ZCWPW2: variants seen among roughly 807,000 people sequenced by gnomAD.
The protein encoded by ZCWPW2 is zinc finger CW-type and PWWP domain containing 2, also known as zinc finger CW-type PWWP domain protein 2.
In ZCWPW2, 45 loss-of-function variants were observed where a neutral mutation model predicts 46.6. The ratio of observed to expected loss-of-function variants is 0.96; its 90% CI spans 0.76 to 1.24. ZCWPW2 has a LOEUF of 1.24. ZCWPW2 is among the 50% of genes most tolerant of loss of function. The pLI, the probability that ZCWPW2 is intolerant of heterozygous loss-of-function variation, is 0.00. For synonymous variants in ZCWPW2, 152 were observed against 137.1 expected (o/e 1.11, Z -0.76); for missense variants, 429 against 403.9 (o/e 1.06, Z -0.53).
At chr3:28,489,849 C>G (rs906080918) in intron 5 of ZCWPW2, among the ~76,000 whole-genome samples, 2 of 151,846 alleles carry the variant, frequency 1.3e-5, no homozygotes, top group Non-Finnish European at 2.9e-5. Context: ...ACTCCTGGAC[C>G]TAATTAAATG....
At chr3:28,484,774 C>T (rs1699540304) in intron 5 of ZCWPW2, among the ~76,000 whole-genome samples, 1 of 149,352 alleles carries the variant, frequency 6.7e-6, no homozygotes, top group Non-Finnish European at 1.5e-5. Flanking sequence ...TCCTGTCTTC[C>T]TTCTGTCCTG....
At chr3:28,504,974 C>T (rs899535533) in intron 6 of ZCWPW2, among the ~76,000 whole-genome samples, 15 of 152,108 alleles carry the variant, frequency 9.9e-5, no homozygotes, top group African/African-American at 3.1e-4. Context: ...AGTCAAAGAC[C>T]GCTAAAAAAT....
At chr3:28,497,072 A>G (rs1478065707) in intron 6 of ZCWPW2, among the ~76,000 whole-genome samples, 1 of 150,016 alleles carries the variant, frequency 6.7e-6, no homozygotes, top group Non-Finnish European at 1.5e-5. Context: ...ATAATACATA[A>G]GTATTTATAG....
chr3:28,359,797 G>A (rs1175151306), intron 1 of ZCWPW2, among the ~76,000 whole-genome samples: 1 of 152,054 alleles, frequency 6.6e-6, no homozygotes, highest in Admixed American at 6.6e-5. Context: ...TAAAGATAGT[G>A]TCTTTTTTTC....
rs541140518 is a variant in ZCWPW2 at position 28,416,832 on chromosome 3, A to G, written c.332+3432A>G. Reference sequence around the variant, plus strand: ...CTGGAGTACGTTTATTGATTTTCGTATGTTGAACCAGCCTTGCATCCCAGG... The same window carrying G: ...CTGGAGTACGTTTATTGATTTTCGTGTGTTGAACCAGCCTTGCATCCCAGG... On this transcript the variant is annotated intron_variant, in intron 3 of 9. Coordinates refer to ENST00000383768, the MANE Select transcript of ZCWPW2 (RefSeq NM_001040432.4). 9.3e-5 allele frequency among the ~76,000 whole-genome samples: 11 copies of G among 117,824 alleles called. No homozygotes were observed. The East Asian group carries it at 2.6e-3, about 28-fold the overall frequency. 77.3% of individuals were successfully genotyped at this position (117,824 alleles called of 152,430 possible). A position where few individuals can be genotyped will look rare whatever the true frequency, so the allele number is the denominator to read the frequency against.
In ZCWPW2 at chr3:28,480,136, G is replaced by T. The variant is rs572284331; in HGVS notation, c.610+1205G>T. 3.9e-5 allele frequency among the ~76,000 whole-genome samples: 6 copies of T among 152,110 alleles called. No homozygotes were observed. The East Asian group carries it at 1.2e-3, about 29-fold the overall frequency. On this transcript the variant is annotated intron_variant, in intron 5 of 9. Coordinates refer to ENST00000383768, the MANE Select transcript of ZCWPW2 (RefSeq NM_001040432.4). Reference sequence around the variant, plus strand: ...TATTTCTGCCCCTAGGTCTTTGAGCGATCACCACACTGTCTTACACAATGG... The same window carrying T: ...TATTTCTGCCCCTAGGTCTTTGAGCTATCACCACACTGTCTTACACAATGG...
chr3:28,421,913 C>T (rs1185858029), intron 3 of ZCWPW2, among the ~76,000 whole-genome samples: 1 of 145,076 alleles, frequency 6.9e-6, no homozygotes, highest in African/African-American at 2.6e-5. Context: ...GTTCCAGAGC[C>T]CTTATTTTAT....
intron 9 of ZCWPW2, among the ~76,000 whole-genome samples, chr3:28,523,913 A>T (rs1047472365): frequency 6.6e-6 from 1 of 152,120 alleles, no homozygotes; most frequent in Non-Finnish European, 1.5e-5. Flanking sequence ...TAATCCATAC[A>T]CAAATAAAAC....
chr3:28,453,827 ATTTATT>A (rs1341559276), intron 4 of ZCWPW2, among the ~76,000 whole-genome samples: 9 of 143,480 alleles, frequency 6.3e-5, no homozygotes, highest in African/African-American at 2.5e-4. Flanking sequence ...TTATTTATTT[ATTTATT>A]TTTATTTTTT....
At chr3:28,364,130 A>T (rs546791307) in intron 1 of ZCWPW2, among the ~76,000 whole-genome samples, 59 of 152,330 alleles carry the variant, frequency 3.9e-4, no homozygotes, top group Admixed American at 7.2e-4. Flanking sequence ...GATAGTATCA[A>T]CTAAGAGCAA....
chr3:28,467,544 A>G (rs768241447), intron 4 of ZCWPW2, among the ~76,000 whole-genome samples: 2 of 152,220 alleles, frequency 1.3e-5, no homozygotes, highest in African/African-American at 4.8e-5. Flanking sequence ...GGTGAGACCC[A>G]GTACTGTGCT....
At position 28,525,451 on chromosome 3, in the gene ZCWPW2, G is replaced by T. The variant is rs1479744831; in HGVS notation, c.*763G>T. On this transcript the variant is annotated 3_prime_UTR_variant, in exon 10 of 10. Coordinates refer to ENST00000383768, the MANE Select transcript of ZCWPW2 (RefSeq NM_001040432.4). ...GGGATTCTCATGAACAGTTTTAGTA[G>T]ATATCCTTCTAGATATGTGTGGGCA... is the stretch of plus-strand genomic sequence containing the variant. 1.8e-5 allele frequency among the ~76,000 whole-genome samples: 1 copy of T among 55,112 alleles called. No individual in the cohort carries two copies. Among genetic ancestry groups the T allele is most frequent in the Middle Eastern group, 8.1e-3 (1 of 124 alleles). The allele number at this position is 55,112 out of a possible 152,430, so 36.2% of individuals were successfully genotyped here. A position where few individuals can be genotyped will look rare whatever the true frequency, so the allele number is the denominator to read the frequency against.
rs183432249 is a variant in ZCWPW2, at chr3:28,388,290, T to G, written c.-133-2208T>G. 1.2e-3 allele frequency among the ~76,000 whole-genome samples: 176 copies of G among 152,316 alleles called. 1 individual carries two copies. Among genetic ancestry groups the G allele is most frequent in the African/African-American group, 3.9e-3 (163 of 41,576 alleles). On this transcript the variant is annotated intron_variant, in intron 1 of 9. Coordinates refer to ENST00000383768, the MANE Select transcript of ZCWPW2 (RefSeq NM_001040432.4). ...GACCAAATATCTGGGCTCTGTGGCCTAGCCAAATTGACACATAAAATTAGC... is the reference window on the plus strand; with the variant it reads ...GACCAAATATCTGGGCTCTGTGGCCGAGCCAAATTGACACATAAAATTAGC...
intron 2 of ZCWPW2, among the ~76,000 whole-genome samples, chr3:28,409,416 G>T (rs1047570255): frequency 2.1e-5 from 3 of 144,240 alleles, no homozygotes; most frequent in African/African-American, 8.7e-5. Flanking sequence ...AACCATGCCC[G>T]GCCACTGTTT....
intron 1 of ZCWPW2, among the ~76,000 whole-genome samples, chr3:28,370,660 CTT>C (rs1398186184): frequency 6.6e-6 from 1 of 152,184 alleles, no homozygotes; most frequent in Admixed American, 6.5e-5. Context: ...ACTATATTCA[CTT>C]TGTGATGATT....
rs1457708706 is a variant in ZCWPW2 at position 28,524,526 on chromosome 3, G to T, written c.910-1G>T. 6.2e-7 allele frequency: 1 copy of T among 1,600,274 alleles called. No homozygotes were observed. The highest frequency in any genetic ancestry group is 1.8e-5 in the Admixed American group (1 of 56,972). The stretch of plus-strand genomic sequence containing the variant: ...CGATTAATTATATGGTTGTTTTGCA[G>T]TTATCTAAATGCAGCCCAGAAGCTC... On this transcript the variant is annotated splice_acceptor_variant, in intron 9 of 9. Coordinates refer to ENST00000383768, the MANE Select transcript of ZCWPW2 (RefSeq NM_001040432.4). LOFTEE classifies it high-confidence loss of function.
chr3:28,458,649 A>G (rs1160219771), intron 4 of ZCWPW2, among the ~76,000 whole-genome samples: 2 of 152,134 alleles, frequency 1.3e-5, no homozygotes, highest in East Asian at 3.9e-4. Context: ...TGAAATTTAC[A>G]TCGGGGCATC....
At chr3:28,355,175 G>A (rs1487023183) in intron 1 of ZCWPW2, among the ~76,000 whole-genome samples, 4 of 152,210 alleles carry the variant, frequency 2.6e-5, no homozygotes, top group African/African-American at 9.7e-5. Context: ...CAAAATCAAT[G>A]TGCAAAAATC....
chr3:28,395,188 A>T (rs866503356), intron 2 of ZCWPW2, among the ~76,000 whole-genome samples: 1 of 152,150 alleles, frequency 6.6e-6, no homozygotes, highest in Non-Finnish European at 1.5e-5. Context: ...CATCAGGGAA[A>T]TGCAAATCAA....
Sources: gnomAD v4.1 joint callset for allele counts (sites outside exome capture counted in the v4.1 genomes callset) on GRCh38, gnomAD v4.1.1 for gene constraint, MANE v1.5 for transcripts, NCBI Gene and HGNC (gene_info 2026-07-23, HGNC 2026-07-21) for gene names.